DISC1: variants seen among roughly 807,000 people sequenced by gnomAD.
The protein encoded by DISC1 is DISC1 scaffold protein.
Under a neutral mutation model 84.5 loss-of-function variants are expected in DISC1, and 57 were observed. The observed-to-expected ratio is 0.67, with a 90% CI of 0.55 to 0.84. DISC1 has a LOEUF of 0.84. Ranked by LOEUF, DISC1 falls within the 40% of genes least tolerant of loss-of-function variation. The pLI, the probability that DISC1 is intolerant of heterozygous loss-of-function variation, is 0.00. For synonymous variants in DISC1, 411 were observed against 415.2 expected, an observed-to-expected ratio of 0.99 and a Z score of 0.12; for missense variants, 1,000 against 1,057.8, an observed-to-expected ratio of 0.95 and a Z score of 0.76.
chr1:231,645,930 A>T (rs2060089573), intron 1 of DISC1, among the ~76,000 whole-genome samples: 1 of 150,268 alleles, frequency 6.7e-6, no homozygotes, highest in Admixed American at 6.6e-5. Context: ...AACAATACTC[A>T]CTTTCAACAA....
intron 9 of DISC1, among the ~76,000 whole-genome samples, chr1:231,865,304 T>A (rs186801839): frequency 5.3e-5 from 8 of 152,346 alleles, no homozygotes; most frequent in African/African-American, 1.9e-4. Flanking sequence ...CATTCGTTAA[T>A]GCCCACTCTT....
At chr1:231,832,956 C>T (rs1258585112) in intron 9 of DISC1, among the ~76,000 whole-genome samples, 1 of 99,996 alleles carries the variant, frequency 1.0e-5, no homozygotes, top group Non-Finnish European at 2.2e-5. Flanking sequence ...GGGATATTGG[C>T]ATTGAGCAGG....
At chr1:231,641,556 C>T (rs1043197761) in intron 1 of DISC1, among the ~76,000 whole-genome samples, 2 of 152,214 alleles carry the variant, frequency 1.3e-5, no homozygotes, top group African/African-American at 4.8e-5. Context: ...AAGAACAAAG[C>T]TTCCACAATG....
chr1:231,983,228 A>G (rs1663869910), intron 10 of DISC1, among the ~76,000 whole-genome samples: 1 of 151,894 alleles, frequency 6.6e-6, no homozygotes, highest in Non-Finnish European at 1.5e-5. Context: ...GTTCATAGGG[A>G]GTTGTTTCAC....
chr1:231,937,158 A>T (rs1484317842), intron 9 of DISC1, among the ~76,000 whole-genome samples: 1 of 152,204 alleles, frequency 6.6e-6, no homozygotes, highest in Non-Finnish European at 1.5e-5. Flanking sequence ...CCATTTTATT[A>T]TATAGTTGAG....
intron 12 of DISC1, among the ~76,000 whole-genome samples, chr1:232,033,468 C>T (rs142140736): frequency 2.0e-5 from 3 of 152,318 alleles, no homozygotes; most frequent in East Asian, 1.9e-4. Context: ...GCCAAACTGA[C>T]GATGTCACCC....
At chr1:231,888,553 G>T (rs1043270081) in intron 9 of DISC1, among the ~76,000 whole-genome samples, 15 of 151,572 alleles carry the variant, frequency 9.9e-5, no homozygotes, top group African/African-American at 3.6e-4. Flanking sequence ...GGCTAACACG[G>T]TGAAACCCCA....
intron 9 of DISC1, among the ~76,000 whole-genome samples, chr1:231,922,356 C>G (rs909091194): frequency 3.3e-5 from 5 of 152,148 alleles, no homozygotes; most frequent in African/African-American, 1.2e-4. Context: ...TTACTGTGTT[C>G]CAGGTACTAG....
At chr1:231,882,931 A>G (rs926463924) in intron 9 of DISC1, among the ~76,000 whole-genome samples, 4 of 151,892 alleles carry the variant, frequency 2.6e-5, no homozygotes, top group African/African-American at 4.8e-5. Context: ...GGTATCAGAT[A>G]TGTAGGAGAA....
At chr1:231,689,457 G>A (rs2064723710) in intron 1 of DISC1, among the ~76,000 whole-genome samples, 1 of 151,910 alleles carries the variant, frequency 6.6e-6, no homozygotes, top group South Asian at 2.1e-4. Flanking sequence ...TCAGCCTCCC[G>A]AGTAGCTGGG....
chr1:231,948,713 T>C (rs1457802939), intron 9 of DISC1, among the ~76,000 whole-genome samples: 1 of 152,100 alleles, frequency 6.6e-6, no homozygotes, highest in Admixed American at 6.5e-5. Flanking sequence ...GCCATGTGAC[T>C]GCCTCACCAT....
chr1:231,797,883 C>T (rs538896651), intron 7 of DISC1, among the ~76,000 whole-genome samples: 8 of 151,920 alleles, frequency 5.3e-5, no homozygotes, highest in Admixed American at 2.6e-4. Flanking sequence ...ACAGGTTTTC[C>T]GGGGATGTGT....
intron 9 of DISC1, among the ~76,000 whole-genome samples, chr1:231,920,127 C>T (rs2089907108): frequency 6.6e-6 from 1 of 152,184 alleles, no homozygotes; most frequent in Non-Finnish European, 1.5e-5. Flanking sequence ...AAAATGTCTC[C>T]AGACCTTGCC....
intron 4 of DISC1, among the ~76,000 whole-genome samples, chr1:231,756,597 A>G (rs1205744856): frequency 6.6e-6 from 1 of 151,408 alleles, no homozygotes; most frequent in East Asian, 1.9e-4. Flanking sequence ...CAGTTGCCCT[A>G]GAGGAAAATG....
At chr1:231,792,851 A>G (rs893418132) in intron 6 of DISC1, among the ~76,000 whole-genome samples, 6 of 152,164 alleles carry the variant, frequency 3.9e-5, no homozygotes, top group Non-Finnish European at 7.3e-5. Flanking sequence ...GATTCCAAAC[A>G]TTGTTTTCCA....
At chr1:231,805,550 A>G (rs2079638625) in intron 8 of DISC1, among the ~76,000 whole-genome samples, 1 of 152,176 alleles carries the variant, frequency 6.6e-6, no homozygotes, top group African/African-American at 2.4e-5. Context: ...CACTATGGCA[A>G]CAGCATCACC....
chr1:231,663,708 C>T (rs1249670128), intron 1 of DISC1, among the ~76,000 whole-genome samples: 3 of 152,180 alleles, frequency 2.0e-5, no homozygotes, highest in Non-Finnish European at 4.4e-5. Flanking sequence ...ACTCATTTAG[C>T]ACATCACATT....
intron 1 of DISC1, among the ~76,000 whole-genome samples, chr1:231,672,820 G>C (rs1470989941): frequency 6.6e-6 from 1 of 152,124 alleles, no homozygotes; most frequent in Non-Finnish European, 1.5e-5. Context: ...TGGGGCACTT[G>C]GGAAAGATAC....
intron 9 of DISC1, among the ~76,000 whole-genome samples, chr1:231,861,075 T>A (rs1387809458): frequency 6.6e-6 from 1 of 152,192 alleles, no homozygotes; most frequent in Non-Finnish European, 1.5e-5. Context: ...TTTGTTCTGT[T>A]CCTGTGAATG....
Sources: gnomAD v4.1 joint callset for allele counts (sites outside exome capture counted in the v4.1 genomes callset) on GRCh38, gnomAD v4.1.1 for gene constraint, MANE v1.5 for transcripts, NCBI Gene and HGNC (gene_info 2026-07-23, HGNC 2026-07-21) for gene names.